The following SMYD3 variants were observed in gnomAD, a reference collection of about 807,000 sequenced individuals.
SMYD3 encodes the protein histone-lysine N-methyltransferase SMYD3.
In SMYD3, 36 loss-of-function variants were observed where a neutral mutation model predicts 57.7. That is an observed-to-expected ratio of 0.62 (90% CI 0.48 to 0.82). The LOEUF is 0.82. Ranked by LOEUF, SMYD3 falls within the 40% of genes least tolerant of loss-of-function variation. The pLI, the probability that SMYD3 is intolerant of heterozygous loss-of-function variation, is 0.00. For missense variants in SMYD3, 515 were observed against 538.8 expected (o/e 0.96, Z 0.44); for synonymous variants, 211 against 195.0 (o/e 1.08, Z -0.68).
At chr1:245,778,823 A>AATCAG (rs1553319452) in intron 10 of SMYD3, among the ~76,000 whole-genome samples, 3 of 151,492 alleles carry the variant, frequency 2.0e-5, no homozygotes, top group African/African-American at 7.3e-5. Context: ...AAAATGGAAA[A>AATCAG]ATTTCATCAA....
rs545219123 is a variant in SMYD3 at position 246,261,813 on chromosome 1, A to G, written c.531+65388T>C. Among the ~76,000 whole-genome samples, 19 of 152,378 alleles carry G rather than the reference A, an allele frequency of 1.2e-4. 1 individual carries two copies. Among genetic ancestry groups the G allele is most frequent in the African/African-American group, 4.6e-4 (19 of 41,588 alleles). ...ATTTAAAACGAATGACATTCTGTACAGATGGGCATAAACAGCGCCCTCTGT... is the reference window on the plus strand; with the variant it reads ...ATTTAAAACGAATGACATTCTGTACGGATGGGCATAAACAGCGCCCTCTGT... On this transcript the variant is annotated intron_variant, in intron 5 of 11. Coordinates refer to ENST00000490107, the MANE Select transcript of SMYD3 (RefSeq NM_001167740.2).
intron 10 of SMYD3, among the ~76,000 whole-genome samples, chr1:245,803,083 A>G (rs1398476361): frequency 6.6e-6 from 1 of 152,224 alleles, no homozygotes; most frequent in Non-Finnish European, 1.5e-5. Flanking sequence ...GCTTCTAAAA[A>G]TACTTCTTCT....
chr1:245,946,183 G>GT (rs963948707), intron 5 of SMYD3, among the ~76,000 whole-genome samples: 2 of 152,134 alleles, frequency 1.3e-5, no homozygotes, highest in African/African-American at 4.8e-5. Context: ...CACAATTTAG[G>GT]TTTTTTCTCT....
At chr1:246,146,650 A>C (rs2061847656) in intron 5 of SMYD3, among the ~76,000 whole-genome samples, 2 of 152,132 alleles carry the variant, frequency 1.3e-5, no homozygotes, top group South Asian at 2.1e-4. Context: ...AGTGAAGCGG[A>C]GTGTGGAGAA....
intron 5 of SMYD3, among the ~76,000 whole-genome samples, chr1:246,178,403 C>G (rs2062470356): frequency 6.6e-6 from 1 of 152,180 alleles, no homozygotes; most frequent in South Asian, 2.1e-4. Context: ...ATCTCCTAGA[C>G]CGGGAGTCAT....
At chr1:245,896,062 G>A (rs1303226214) in intron 8 of SMYD3, among the ~76,000 whole-genome samples, 2 of 152,064 alleles carry the variant, frequency 1.3e-5, no homozygotes, top group Non-Finnish European at 2.9e-5. Flanking sequence ...TTCCAGAATG[G>A]ATACATTTTC....
intron 5 of SMYD3, chr1:246,053,109 G>A (rs375735843): frequency 2.0e-5 from 3 of 152,076 alleles, no homozygotes; most frequent in East Asian, 1.9e-4. Flanking sequence ...GCCAGGCACG[G>A]TGGTATGCAC....
At chr1:245,986,735 G>T (rs2148095079) in intron 5 of SMYD3, among the ~76,000 whole-genome samples, 1 of 152,276 alleles carries the variant, frequency 6.6e-6, no homozygotes, top group South Asian at 2.1e-4. Flanking sequence ...ACGCCCACAT[G>T]CAAGGCTGGC....
rs2047544076 is a variant in SMYD3, at chr1:245,796,868, TTC to T, written c.1077-32721_1077-32720del. On this transcript the variant is annotated intron_variant, in intron 10 of 11. Transcript: ENST00000490107. ...GAAGCTGGGAAGGCTCAGCATTTTT[TTC>T]TCTTTCTCCCACTGGCTCTGCAGAA... Among the ~76,000 whole-genome samples the T allele has an allele frequency of 1.3e-5, 2 of 152,190 alleles. 1 individual carries two copies. The highest frequency in any genetic ancestry group is 4.1e-4 in the South Asian group (2 of 4,826).
At chr1:245,978,651 C>T (rs549842615) in intron 5 of SMYD3, among the ~76,000 whole-genome samples, 2 of 152,260 alleles carry the variant, frequency 1.3e-5, no homozygotes, top group South Asian at 2.1e-4. Flanking sequence ...AACGTTGAGT[C>T]CAGCGTTTCG....
chr1:246,062,915 C>A (rs2060277800), intron 5 of SMYD3, among the ~76,000 whole-genome samples: 1 of 152,130 alleles, frequency 6.6e-6, no homozygotes, highest in African/African-American at 2.4e-5. Flanking sequence ...CCTAGTAAAG[C>A]AATATAAGTG....
At position 245,803,403 on chromosome 1, in the gene SMYD3, A is replaced by ATATGAACTGGCCAATTTCACG. The variant is rs369044620; in HGVS notation, c.1077-39275_1077-39255dup. Among the ~76,000 whole-genome samples, 232 of 152,276 alleles carry ATATGAACTGGCCAATTTCACG rather than the reference A, an allele frequency of 1.5e-3. 3 individuals carry two copies. The East Asian group carries it at 0.042, about 28-fold the overall frequency. On this transcript the variant is annotated intron_variant, in intron 10 of 11. Transcript: ENST00000490107. ...CAAACCTGGTGTTTTAGGTTGAACC[A>ATATGAACTGGCCAATTTCACG]TATGAACTGGCCAATTTCACGTATG...
intron 10 of SMYD3, among the ~76,000 whole-genome samples, chr1:245,823,543 GTC>G (rs2049302300): frequency 1.3e-5 from 2 of 152,208 alleles, no homozygotes; most frequent in Admixed American, 1.3e-4. Flanking sequence ...CATGTCAACA[GTC>G]TCAGCAGGAT....
intron 1 of SMYD3, among the ~76,000 whole-genome samples, chr1:246,461,447 T>C (rs1246648126): frequency 1.3e-5 from 2 of 152,192 alleles, no homozygotes; most frequent in Non-Finnish European, 2.9e-5. Flanking sequence ...ACAATTTTAG[T>C]GCCAAAAATA....
At chr1:246,028,880 A>T (rs2059620556) in intron 5 of SMYD3, among the ~76,000 whole-genome samples, 2 of 152,242 alleles carry the variant, frequency 1.3e-5, no homozygotes, top group Admixed American at 6.5e-5. Flanking sequence ...GTATAAAAAC[A>T]AACACACAAA....
intron 10 of SMYD3, among the ~76,000 whole-genome samples, chr1:245,771,771 T>G (rs888570419): frequency 1.4e-4 from 21 of 152,174 alleles, no homozygotes; most frequent in African/African-American, 4.6e-4. Context: ...TTTATGGAAG[T>G]TATTTATGCC....
intron 5 of SMYD3, among the ~76,000 whole-genome samples, chr1:246,245,727 A>C (rs1572271532): frequency 6.6e-6 from 1 of 152,154 alleles, no homozygotes; most frequent in Non-Finnish European, 1.5e-5. Context: ...TCACTTCCTG[A>C]CTTATAGACC....
chr1:246,432,354 AT>A (rs1350415968), intron 1 of SMYD3, among the ~76,000 whole-genome samples: 1 of 152,238 alleles, frequency 6.6e-6, no homozygotes, highest in Non-Finnish European at 1.5e-5. Context: ...CCATACATCA[AT>A]TAGAAAGTTA....
rs1231078526 is a variant in SMYD3 at position 246,355,010 on chromosome 1, T to C, written c.228+21A>G. On this transcript the variant is annotated intron_variant, in intron 2 of 11. Transcript: ENST00000490107. This position sits in a 1 kb window ranked among gnomAD's most constrained non-coding sequence, Gnocchi z 5.0. ...GTAAAGAATTTGAAAGCTTCACTTA[T>C]ATATGGCTGAAAAGTCTTACCTGAC... is the stretch of plus-strand genomic sequence containing the variant. The C allele has an allele frequency of 4.3e-6, 7 of 1,612,160 alleles. No homozygotes were observed. The highest frequency in any genetic ancestry group is 1.7e-5 in the Admixed American group (1 of 59,982).
Sources: gnomAD v4.1 joint callset for allele counts (sites outside exome capture counted in the v4.1 genomes callset) on GRCh38, gnomAD v4.1.1 for gene constraint, Gnocchi (gnomAD v3.1) non-coding constraint, MANE v1.5 for transcripts, NCBI Gene and HGNC (gene_info 2026-07-23, HGNC 2026-07-21) for gene names.